The following FOXN3 variants were observed in gnomAD, a reference collection of about 807,000 sequenced individuals.
FOXN3 encodes forkhead box N3.
A neutral mutation model predicts 38.4 loss-of-function variants in FOXN3; 7 were observed. The ratio of observed to expected loss-of-function variants is 0.18; its 90% CI spans 0.10 to 0.34. FOXN3 has a LOEUF of 0.34. FOXN3 is among the 10% of genes least tolerant of loss of function. FOXN3 has a pLI of 1.00. For synonymous variants in FOXN3, 230 were observed against 242.2 expected (o/e 0.95, Z 0.47); for missense variants, 456 against 613.4 (o/e 0.74, Z 2.71).
rs57791098 is a variant in FOXN3, at chr14:89,329,855, C to CAAAA, written c.680+20813_680+20816dup. ...TGGGCGACAGAGCGAGACTCAGTCT[C>CAAAA]AAAAAAAAAAAAAAAAAAAAAAAAA... On this transcript the variant is annotated intron_variant, in intron 3 of 5. Transcript: ENST00000557258. 1.9e-3 allele frequency among the ~76,000 whole-genome samples: 112 copies of CAAAA among 59,872 alleles called. 1 individual carries two copies. Among genetic ancestry groups the CAAAA allele is most frequent in the Non-Finnish European group, 2.2e-3 (71 of 31,844 alleles). The allele number at this position is 59,872 out of a possible 152,430, so 39.3% of individuals were successfully genotyped here.
intron 1 of FOXN3, among the ~76,000 whole-genome samples, chr14:89,423,462 G>A (rs894927007): frequency 6.6e-6 from 1 of 152,094 alleles, no homozygotes; most frequent in Admixed American, 6.5e-5. Flanking sequence ...TACCAATTTA[G>A]AATTGTGTGT....
chr14:89,601,547 A>C (rs1896153136), intron 1 of FOXN3, among the ~76,000 whole-genome samples: 3 of 152,346 alleles, frequency 2.0e-5, no homozygotes, highest in Admixed American at 2.0e-4. Flanking sequence ...TGAACCTAGC[A>C]ACAAAGCAAT....
At chr14:89,611,663 G>A (rs1040768291) in intron 1 of FOXN3, among the ~76,000 whole-genome samples, 25 of 152,064 alleles carry the variant, frequency 1.6e-4, no homozygotes, top group African/African-American at 4.1e-4. Flanking sequence ...AAAATTAGCC[G>A]GGCATGGCAG....
At chr14:89,186,800 G>A (rs1053988075) in intron 4 of FOXN3, among the ~76,000 whole-genome samples, 2 of 152,204 alleles carry the variant, frequency 1.3e-5, no homozygotes, top group African/African-American at 2.4e-5. Context: ...GCACACTGCC[G>A]CTGCACTGCA....
chr14:89,315,004 T>C (rs78706422), intron 3 of FOXN3, among the ~76,000 whole-genome samples: 12,056 of 152,096 alleles, frequency 0.079, 650 homozygotes, highest in South Asian at 0.14. Context: ...CCAGTAATCA[T>C]GTCTCAGAAA....
chr14:89,455,999 G>T (rs1268234227), intron 1 of FOXN3, among the ~76,000 whole-genome samples: 1 of 151,736 alleles, frequency 6.6e-6, no homozygotes, highest in Non-Finnish European at 1.5e-5. Context: ...TTTGAGACCA[G>T]CCTGACCAAC....
At chr14:89,504,790 C>G (rs1442331130) in intron 1 of FOXN3, among the ~76,000 whole-genome samples, 1 of 152,156 alleles carries the variant, frequency 6.6e-6, no homozygotes, top group Non-Finnish European at 1.5e-5. Flanking sequence ...TTACCAAAGG[C>G]AACTCCCTCT....
chr14:89,431,867 A>T (rs1427749187), intron 1 of FOXN3, among the ~76,000 whole-genome samples: 1 of 152,044 alleles, frequency 6.6e-6, no homozygotes, highest in Non-Finnish European at 1.5e-5. Flanking sequence ...GGCGCCCGCC[A>T]CCACGTCCAG....
intron 4 of FOXN3, among the ~76,000 whole-genome samples, chr14:89,200,349 A>C (rs1174674804): frequency 6.6e-6 from 1 of 152,160 alleles, no homozygotes; most frequent in African/African-American, 2.4e-5. Context: ...ATTACCCCTC[A>C]TTTCACTTAA....
At chr14:89,407,198 G>A (rs950551141) in intron 2 of FOXN3, among the ~76,000 whole-genome samples, 6 of 152,120 alleles carry the variant, frequency 3.9e-5, no homozygotes, top group Non-Finnish European at 7.4e-5. Flanking sequence ...CAAGTTACAC[G>A]AAATCACAAG....
At chr14:89,534,781 T>G (rs916483636) in intron 1 of FOXN3, among the ~76,000 whole-genome samples, 1 of 152,170 alleles carries the variant, frequency 6.6e-6, no homozygotes, top group East Asian at 1.9e-4. Flanking sequence ...CATCAAGGTA[T>G]GAGAACGGAT....
intron 1 of FOXN3, among the ~76,000 whole-genome samples, chr14:89,583,619 G>A (rs746379135): frequency 1.3e-5 from 2 of 152,160 alleles, no homozygotes; most frequent in Non-Finnish European, 2.9e-5. Context: ...GGAGTGCAGT[G>A]GCACCATCTC....
chr14:89,303,516 A>C (rs1887284838), intron 3 of FOXN3, among the ~76,000 whole-genome samples: 1 of 151,518 alleles, frequency 6.6e-6, no homozygotes, highest in East Asian at 1.9e-4. Context: ...AAACAAAAAA[A>C]AAACTAGCCC....
chr14:89,288,708 C>A (rs1886739401), intron 3 of FOXN3, among the ~76,000 whole-genome samples: 2 of 81,842 alleles, frequency 2.4e-5, no homozygotes, highest in Non-Finnish European at 4.3e-5. Context: ...CTCTCTCTCT[C>A]TCTCTCTCTC....
chr14:89,506,147 G>A (rs1596301207), intron 1 of FOXN3, among the ~76,000 whole-genome samples: 1 of 121,132 alleles, frequency 8.3e-6, no homozygotes, highest in African/African-American at 2.9e-5. Flanking sequence ...GCCCCTACTG[G>A]GAAGTGAGGA....
chr14:89,211,418 GT>G (rs1884090531), intron 4 of FOXN3, among the ~76,000 whole-genome samples: 1 of 152,220 alleles, frequency 6.6e-6, no homozygotes, highest in Non-Finnish European at 1.5e-5. Context: ...AATCTCATTA[GT>G]GTCCTGGGAC....
chr14:89,586,284 A>G (rs914335417), intron 1 of FOXN3, among the ~76,000 whole-genome samples: 3 of 152,228 alleles, frequency 2.0e-5, no homozygotes, highest in Admixed American at 6.5e-5. Flanking sequence ...GGATGTAAGA[A>G]AAGAGAAGAG....
intron 1 of FOXN3, among the ~76,000 whole-genome samples, chr14:89,573,007 T>C (rs1234735924): frequency 6.6e-6 from 1 of 152,198 alleles, no homozygotes; most frequent in Non-Finnish European, 1.5e-5. Context: ...GTCCTGTTTC[T>C]GCTTAGACCC....
intron 2 of FOXN3, among the ~76,000 whole-genome samples, chr14:89,359,532 T>G (rs1889372340): frequency 6.6e-6 from 1 of 152,168 alleles, no homozygotes; most frequent in Non-Finnish European, 1.5e-5. Context: ...TTGTCTCAGA[T>G]GCACTAAGAT....
Sources: allele counts gnomAD v4.1 joint callset (sites outside exome capture counted in the v4.1 genomes callset), GRCh38; gene constraint gnomAD v4.1.1; transcripts MANE v1.5; gene names NCBI Gene and HGNC (gene_info 2026-07-23, HGNC 2026-07-21).